KLRF1: variants seen among roughly 807,000 people sequenced by gnomAD.
KLRF1 encodes the protein killer cell lectin like receptor F1.
A neutral mutation model predicts 30.7 loss-of-function variants in KLRF1; 27 were observed. The ratio of observed to expected loss-of-function variants is 0.88; its 90% CI spans 0.65 to 1.21. KLRF1 has a LOEUF of 1.21. KLRF1 is among the 50% of genes most tolerant of loss of function. The pLI, the probability that KLRF1 is intolerant of heterozygous loss-of-function variation, is 0.00. For missense variants in KLRF1, 246 were observed against 259.3 expected (o/e 0.95, Z 0.35); for synonymous variants, 92 against 89.3 (o/e 1.03, Z -0.17).
At chr12:9,817,520 A>G in the KLRF1 span, 1 of 378,438 alleles carries the variant, frequency 2.6e-6, no homozygotes, top group South Asian at 2.3e-5. Flanking sequence ...TTGACTTTTC[A>G]AGGTCAAGCA....
At chr12:9,809,181 G>A in the KLRF1 span, among the ~76,000 whole-genome samples, 1 of 152,092 alleles carries the variant, frequency 6.6e-6, no homozygotes, top group Admixed American at 6.5e-5. Flanking sequence ...GGGAAGAATT[G>A]CCTTTATTTG....
At position 9,832,383 on chromosome 12, in the gene KLRF1, C is replaced by G. The variant is rs1565505216; in HGVS notation, c.153C>G (p.Leu51=). The G allele has an allele frequency of 6.2e-7, 1 of 1,607,838 alleles. No individual in the cohort carries two copies. Among genetic ancestry groups the G allele is most frequent in the Non-Finnish European group, 8.5e-7 (1 of 1,175,042 alleles). Residue 51 remains leucine, a synonymous_variant, in exon 2 of 6, where the codon CTC becomes CTG. Coordinates refer to ENST00000617889, the MANE Select transcript of KLRF1 (RefSeq NM_016523.3). The part of the protein sequence containing the change: ...LGISGTVNGI[L]TLTLISLILL... ...TATCTGGAACCGTGAATGGTATTCT[C>G]ACTTTGACTTTGATCTCCTTGATCC...
intron 3 of KLRF1, among the ~76,000 whole-genome samples, chr12:9,839,774 A>G (rs2121231860): frequency 6.6e-6 from 1 of 152,194 alleles, no homozygotes; most frequent in African/African-American, 2.4e-5. Context: ...GAAATGTAAA[A>G]TTTTATAGTA....
At chr12:9,800,791 G>A in the KLRF1 span, among the ~76,000 whole-genome samples, 1 of 151,828 alleles carries the variant, frequency 6.6e-6, no homozygotes, top group Admixed American at 6.6e-5. Flanking sequence ...CTTTTGTTAA[G>A]TATTTTCTTT....
the KLRF1 span, among the ~76,000 whole-genome samples, chr12:9,816,520 A>G: frequency 6.6e-6 from 1 of 151,228 alleles, no homozygotes; most frequent in Admixed American, 6.6e-5. Flanking sequence ...TACCCTGGTT[A>G]GCCAGTTACT....
At chr12:9,839,526 CAAA>C (rs1479137402) in intron 3 of KLRF1, among the ~76,000 whole-genome samples, 1 of 151,934 alleles carries the variant, frequency 6.6e-6, no homozygotes, top group Non-Finnish European at 1.5e-5. Context: ...ACTTATAACT[CAAA>C]AACACAACCC....
At chr12:9,830,205 A>G (rs1412351688) in intron 1 of KLRF1, among the ~76,000 whole-genome samples, 1 of 151,862 alleles carries the variant, frequency 6.6e-6, no homozygotes, top group Non-Finnish European at 1.5e-5. Context: ...AATTTCTTTC[A>G]TCTATGTTTT....
chr12:9,812,520 T>C, the KLRF1 span, among the ~76,000 whole-genome samples: 1 of 152,192 alleles, frequency 6.6e-6, no homozygotes, highest in African/African-American at 2.4e-5. Flanking sequence ...TTCCCAGCTA[T>C]GGTTGTTTTG....
At chr12:9,800,980 T>G in the KLRF1 span, among the ~76,000 whole-genome samples, 1 of 152,040 alleles carries the variant, frequency 6.6e-6, no homozygotes, top group Non-Finnish European at 1.5e-5. Context: ...CTATTTGTCC[T>G]AATGCTCTCC....
chr12:9,817,076 T>C, the KLRF1 span, among the ~76,000 whole-genome samples: 1 of 152,132 alleles, frequency 6.6e-6, no homozygotes, highest in Non-Finnish European at 1.5e-5. Flanking sequence ...GTGAAAACTA[T>C]TGAGCTGAAG....
the KLRF1 span, among the ~76,000 whole-genome samples, chr12:9,820,012 G>A: frequency 6.6e-6 from 1 of 151,960 alleles, no homozygotes; most frequent in Admixed American, 6.6e-5. Flanking sequence ...GGTTATGAGG[G>A]GGCTGGTTGG....
chr12:9,807,858 A>G, the KLRF1 span, among the ~76,000 whole-genome samples: 2 of 152,078 alleles, frequency 1.3e-5, no homozygotes, highest in Non-Finnish European at 2.9e-5. Flanking sequence ...TTAAATTTTT[A>G]AAATGTAATT....
At chr12:9,838,894 CA>C (rs1386359931) in intron 3 of KLRF1, among the ~76,000 whole-genome samples, 2 of 152,116 alleles carry the variant, frequency 1.3e-5, no homozygotes, top group African/African-American at 4.8e-5. Flanking sequence ...TCAGGAGAAT[CA>C]ATCACAATTT....
upstream of KLRF1, among the ~76,000 whole-genome samples, chr12:9,825,259 G>GT (rs1867266364): frequency 3.0e-5 from 1 of 33,270 alleles, no homozygotes; most frequent in South Asian, 2.1e-3. Context: ...CAAGGTACTG[G>GT]TAAAAAAAAA....
At chr12:9,810,602 C>A in the KLRF1 span, among the ~76,000 whole-genome samples, 1 of 152,158 alleles carries the variant, frequency 6.6e-6, no homozygotes, top group African/African-American at 2.4e-5. Flanking sequence ...AAAATGTGGT[C>A]ATTCCTGCTG....
chr12:9,802,936 T>A, the KLRF1 span, among the ~76,000 whole-genome samples: 4 of 152,188 alleles, frequency 2.6e-5, no homozygotes, highest in African/African-American at 9.6e-5. Context: ...CCACAGACAT[T>A]CTTCACAGAA....
At chr12:9,843,675 C>G (rs1254207902) in intron 5 of KLRF1, among the ~76,000 whole-genome samples, 1 of 152,070 alleles carries the variant, frequency 6.6e-6, no homozygotes, top group African/African-American at 2.4e-5. Flanking sequence ...AGTTTTAAGT[C>G]TAGATCATGC....
the KLRF1 span, among the ~76,000 whole-genome samples, chr12:9,803,563 A>G: frequency 2.6e-5 from 4 of 151,884 alleles, no homozygotes; most frequent in Non-Finnish European, 5.9e-5. Context: ...TGTGTTTTAC[A>G]TTTTTTCATA....
the KLRF1 span, chr12:9,817,489 A>AT: frequency 1.4e-5 from 6 of 420,302 alleles, no homozygotes; most frequent in Non-Finnish European, 2.3e-5. Flanking sequence ...TTCGCTTGAG[A>AT]TTTTTTTCCA....
Sources: gnomAD v4.1 joint callset for allele counts (sites outside exome capture counted in the v4.1 genomes callset) on GRCh38, gnomAD v4.1.1 for gene constraint, MANE v1.5 for transcripts, NCBI Gene and HGNC (gene_info 2026-07-23, HGNC 2026-07-21) for gene names.